ACOT1: variants seen among roughly 807,000 people sequenced by gnomAD.
The protein encoded by ACOT1 is acyl-CoA thioesterase 1, also known as acyl-coenzyme A thioesterase 1.
A neutral mutation model predicts 15.7 loss-of-function variants in ACOT1; 8 were observed. The ratio of observed to expected loss-of-function variants is 0.51; its 90% CI spans 0.30 to 0.92. The LOEUF (loss-of-function observed/expected upper bound fraction) is 0.92. Among genes scored for constraint, ACOT1 ranks in the 40% least tolerant of loss-of-function variants. The probability of loss-of-function intolerance (pLI) is 0.06; values close to 1 mark genes in which losing one functional copy is unlikely to be tolerated. For synonymous variants in ACOT1, 67 were observed against 241.2 expected, an observed-to-expected ratio of 0.28 and a Z score of 6.69; for missense variants, 151 against 539.4, an observed-to-expected ratio of 0.28 and a Z score of 7.13.
At chr14:73,501,858 A>G in the ACOT1 span, among the ~76,000 whole-genome samples, 3 of 151,798 alleles carry the variant, frequency 2.0e-5, no homozygotes, top group Non-Finnish European at 4.4e-5. Flanking sequence ...GGTTCACGCC[A>G]TTCTCCTGCC....
At chr14:73,491,839 C>A in the ACOT1 span, 1 of 1,608,634 alleles carries the variant, frequency 6.2e-7, no homozygotes, top group Non-Finnish European at 8.5e-7. Flanking sequence ...GACGCGAGAC[C>A]CTGAACCCAC....
At chr14:73,509,214 A>G in the ACOT1 span, 7 of 1,182,172 alleles carry the variant, frequency 5.9e-6, no homozygotes, top group South Asian at 4.0e-5. Flanking sequence ...TACAGCAGAC[A>G]TTGCAGAGCA....
the ACOT1 span, among the ~76,000 whole-genome samples, chr14:73,510,442 G>GTT: frequency 1.1e-4 from 16 of 146,862 alleles, no homozygotes; most frequent in African/African-American, 2.2e-4. Flanking sequence ...TTTTGTTTTT[G>GTT]TTTTTTTTTT....
chr14:73,506,513 A>G, the ACOT1 span: 19 of 1,613,874 alleles, frequency 1.2e-5, no homozygotes, highest in South Asian at 6.6e-5. Context: ...GCAGGCCACA[A>G]TCCGGTTCTT....
the ACOT1 span, chr14:73,514,180 T>C: frequency 6.2e-7 from 1 of 1,614,186 alleles, no homozygotes; most frequent in Non-Finnish European, 8.5e-7. Flanking sequence ...CAGCATATCC[T>C]TGGCGGGGGT....
Position 73,538,610 on chromosome 14 carries a change from T to TC in ACOT1, c.457+733dup, listed in dbSNP as rs1305052419. ...CTGGGCAATAGAGTGAGACTCCGTC[T>TC]CAAAAAAAAAAAAAAAAAAAGGCAT... On this transcript the variant is annotated intron_variant, in intron 1 of 2. Transcript: ENST00000311148. 4.3e-4 allele frequency among the ~76,000 whole-genome samples: 16 copies of TC among 37,210 alleles called. 3 individuals are homozygous for TC. The highest frequency in any genetic ancestry group is 2.0e-3 in the African/African-American group (16 of 7,896). The allele number at this position is 37,210 out of a possible 152,430, so 24.4% of individuals were successfully genotyped here. A position where few individuals can be genotyped will look rare whatever the true frequency, so the allele number is the denominator to read the frequency against.
In ACOT1 at chr14:73,539,213, C is replaced by T. The variant is rs1378446193; in HGVS notation, c.457+1335C>T. 2.6e-5 allele frequency: 3 copies of T among 114,644 alleles called. 1 individual carries two copies. Among genetic ancestry groups the T allele is most frequent in the Admixed American group, 9.9e-5 (1 of 10,112 alleles). The allele number at this position is 114,644 out of a possible 1,614,324, so 7.1% of individuals were successfully genotyped here. On this transcript the variant is annotated intron_variant, in intron 1 of 2. Coordinates refer to ENST00000311148, the MANE Select transcript of ACOT1 (RefSeq NM_001037161.2). ...GCTGCAGCTGCTGCCCCCTGCAGGG[C>T]CTGTTCGTTCCTGCTGCCTAGCTCC...
chr14:73,516,516 C>T, the ACOT1 span, among the ~76,000 whole-genome samples: 7 of 148,754 alleles, frequency 4.7e-5, no homozygotes, highest in Non-Finnish European at 1.0e-4. Context: ...TATTTAACCT[C>T]ATAGGAATAA....
the ACOT1 span, among the ~76,000 whole-genome samples, chr14:73,496,864 G>C: frequency 6.6e-6 from 1 of 152,098 alleles, no homozygotes; most frequent in Non-Finnish European, 1.5e-5. Context: ...TGCAGTTTTT[G>C]AGACAATATA....
the ACOT1 span, chr14:73,522,943 G>A: frequency 1.2e-6 from 2 of 1,614,234 alleles, no homozygotes; most frequent in South Asian, 1.1e-5. Flanking sequence ...AGAAGGTAAG[G>A]TTTGCAGCAG....
At position 73,537,782 on chromosome 14, in the gene ACOT1, T is replaced by C; in HGVS notation, c.361T>C (p.Cys121Arg). 1 of 1,230,692 alleles carries C rather than the reference T, an allele frequency of 8.1e-7. No homozygotes were observed. The highest frequency in any genetic ancestry group is 1.1e-6 in the Non-Finnish European group (1 of 932,622). The allele number at this position is 1,230,692 out of a possible 1,614,324, so 76.2% of individuals were successfully genotyped here. ...GHDPDPGRLL[C>R]RVRHERYFLP... is the part of the protein sequence containing the mutation. ...CGACCCCGACCCCGGGCGGCTGCTG[T>C]GCCGGGTGCGGCACGAGCGCTACTT... The change falls in exon 1 of 3, where the codon TGC (cysteine) becomes CGC (arginine). Residue 121 changes from cysteine (C) to arginine (R), a missense_variant. Transcript: ENST00000311148.
At chr14:73,521,056 AAGG>A in the ACOT1 span, 1 of 1,606,420 alleles carries the variant, frequency 6.2e-7, no homozygotes. Context: ...AGGGGTGAGA[AAGG>A]AGGGAAAAGG....
At chr14:73,493,303 C>A in the ACOT1 span, 3 of 578,354 alleles carry the variant, frequency 5.2e-6, no homozygotes, top group East Asian at 8.7e-5. Context: ...CATCTGAGTT[C>A]TTTTTCATGG....
At chr14:73,522,751 C>CAGGG in the ACOT1 span, 4 of 1,614,094 alleles carry the variant, frequency 2.5e-6, no homozygotes, top group Admixed American at 5.0e-5. Context: ...TCTTCACAGC[C>CAGGG]AGGGAGGTGT....
the ACOT1 span, chr14:73,491,267 G>A: frequency 1.9e-6 from 3 of 1,570,876 alleles, no homozygotes; most frequent in South Asian, 2.3e-5. Context: ...CGGTGGGGCG[G>A]CGGTGGCGGC....
In ACOT1 at chr14:73,541,260, C is replaced by G. The variant is rs1350364550; in HGVS notation, c.458-233C>G. ...GTGCACCATTAAATGGATTCATTCA[C>G]CAGTTAAAGGACATTTGGGTTGTTT... is the stretch of plus-strand genomic sequence containing the variant. On this transcript the variant is annotated intron_variant, in intron 1 of 2. Coordinates refer to ENST00000311148, the MANE Select transcript of ACOT1 (RefSeq NM_001037161.2). Among the ~76,000 whole-genome samples the G allele has an allele frequency of 1.8e-5, 2 of 110,386 alleles. 1 individual carries two copies. The highest frequency in any genetic ancestry group is 3.9e-5 in the Non-Finnish European group (2 of 51,442). The allele number at this position is 110,386 out of a possible 152,430, so 72.4% of individuals were successfully genotyped here.
At chr14:73,524,905 T>TA in the ACOT1 span, among the ~76,000 whole-genome samples, 1 of 152,138 alleles carries the variant, frequency 6.6e-6, no homozygotes, top group Admixed American at 6.6e-5. Flanking sequence ...CTTTACTCCT[T>TA]AACACCCAGC....
rs72738342 is a variant in ACOT1 at position 73,537,891 on chromosome 14, C to T, written c.457+13C>T. 574,140 of 1,179,846 alleles carry T rather than the reference C, an allele frequency of 0.49. 228,336 individuals are homozygous for T. The highest frequency in any genetic ancestry group is 0.74 in the East Asian group (8,287 of 11,146). 73.1% of individuals were successfully genotyped at this position (1,179,846 alleles called of 1,614,324 possible). A position where few individuals can be genotyped will look rare whatever the true frequency, so the allele number is the denominator to read the frequency against. ...TTCCTGCCGCCAGGTGACTCACCTC[C>T]GCTAATTGTTCCCCTCTGCCCATCC... is the stretch of plus-strand genomic sequence containing the variant. On this transcript the variant is annotated intron_variant, in intron 1 of 2. Coordinates refer to ENST00000311148, the MANE Select transcript of ACOT1 (RefSeq NM_001037161.2).
At chr14:73,514,206 G>A in the ACOT1 span, 1 of 1,614,168 alleles carries the variant, frequency 6.2e-7, no homozygotes, top group South Asian at 1.1e-5. Flanking sequence ...AAGCAGTCCA[G>A]CGCAGGGCTC....
Sources: allele counts gnomAD v4.1 joint callset (sites outside exome capture counted in the v4.1 genomes callset), GRCh38; gene constraint gnomAD v4.1.1; transcripts MANE v1.5; gene names NCBI Gene and HGNC (gene_info 2026-07-23, HGNC 2026-07-21).